The following LRP1B variants were observed in gnomAD, a reference collection of about 807,000 sequenced individuals.
LRP1B encodes the protein LDL receptor related protein 1B.
A neutral mutation model predicts 556.6 loss-of-function variants in LRP1B; 217 were observed. That is an observed-to-expected ratio of 0.39 (90% CI 0.35 to 0.44). LRP1B has a LOEUF of 0.44. LRP1B is among the 20% of genes least tolerant of loss of function. LRP1B has a pLI of 1.00. For synonymous variants in LRP1B, 2,047 were observed against 1,865.8 expected (o/e 1.10, Z -2.50); for missense variants, 5,053 against 5,620.8 (o/e 0.90, Z 3.23).
At chr2:140,690,893 C>A (rs1432717026) in intron 41 of LRP1B, among the ~76,000 whole-genome samples, 1 of 152,112 alleles carries the variant, frequency 6.6e-6, no homozygotes, top group Non-Finnish European at 1.5e-5. Context: ...AATAGGTAAT[C>A]TTAAAATTGA....
chr2:140,433,200 C>T (rs948929937), intron 66 of LRP1B, among the ~76,000 whole-genome samples: 1 of 152,092 alleles, frequency 6.6e-6, no homozygotes, highest in Non-Finnish European at 1.5e-5. Context: ...CTGGGTGCAA[C>T]AATTCTTCTG....
intron 18 of LRP1B, among the ~76,000 whole-genome samples, chr2:140,973,655 C>T (rs1486374622): frequency 2.0e-5 from 3 of 151,986 alleles, no homozygotes; most frequent in Admixed American, 6.6e-5. Context: ...TTAAGAGAAA[C>T]CTAGAAGCTA....
intron 6 of LRP1B, among the ~76,000 whole-genome samples, chr2:141,222,989 C>T (rs1047575459): frequency 2.6e-5 from 4 of 152,088 alleles, no homozygotes; most frequent in African/African-American, 4.8e-5. Context: ...GACAAGGATG[C>T]CCCCTCTCAC....
At chr2:140,901,887 A>G (rs1354339922) in intron 23 of LRP1B, among the ~76,000 whole-genome samples, 3 of 151,876 alleles carry the variant, frequency 2.0e-5, no homozygotes, top group Admixed American at 6.6e-5. Context: ...CCCCACAGAG[A>G]GGATTTTATT....
chr2:140,626,873 C>T (rs1012660344), intron 41 of LRP1B, among the ~76,000 whole-genome samples: 2 of 152,066 alleles, frequency 1.3e-5, no homozygotes, highest in African/African-American at 4.8e-5. Context: ...GAATATCAGT[C>T]TTGACATGGA....
At chr2:141,220,064 C>A (rs1682971435) in intron 6 of LRP1B, among the ~76,000 whole-genome samples, 1 of 152,182 alleles carries the variant, frequency 6.6e-6, no homozygotes, top group African/African-American at 2.4e-5. Flanking sequence ...GGACACTGAA[C>A]TAGGCTTGGG....
intron 11 of LRP1B, among the ~76,000 whole-genome samples, chr2:141,023,312 C>A (rs1383063625): frequency 2.0e-5 from 3 of 151,736 alleles, no homozygotes; most frequent in African/African-American, 7.3e-5. Context: ...TAATGAAGTG[C>A]GTGGTTTACT....
intron 2 of LRP1B, among the ~76,000 whole-genome samples, chr2:141,633,846 AAGATTAACC>A (rs1359959383): frequency 2.6e-5 from 4 of 152,078 alleles, no homozygotes; most frequent in African/African-American, 4.8e-5. Flanking sequence ...AATCCAAAGT[AAGATTAACC>A]ACATGTGCTA....
At chr2:140,272,258 A>AACACACACACACACACACACAC (rs10654741) in intron 85 of LRP1B, among the ~76,000 whole-genome samples, 2 of 149,320 alleles carry the variant, frequency 1.3e-5, no homozygotes, top group African/African-American at 4.9e-5. Context: ...TGCACACACA[A>AACACACACACACACACACACAC]ACACACACAC....
intron 66 of LRP1B, among the ~76,000 whole-genome samples, chr2:140,424,686 T>C (rs563063127): frequency 2.2e-4 from 33 of 152,308 alleles, no homozygotes; most frequent in African/African-American, 7.5e-4. Flanking sequence ...CAAAAGTGTA[T>C]CATGCATGAC....
chr2:141,067,028 G>A (rs1249160595), intron 7 of LRP1B, among the ~76,000 whole-genome samples: 2 of 151,830 alleles, frequency 1.3e-5, no homozygotes, highest in Non-Finnish European at 2.9e-5. Context: ...CCTCAGAAAG[G>A]TTTGCATTAG....
chr2:140,440,413 A>T (rs977147562), intron 66 of LRP1B, among the ~76,000 whole-genome samples: 6 of 152,172 alleles, frequency 3.9e-5, no homozygotes, highest in African/African-American at 1.4e-4. Flanking sequence ...CCATAAAGAC[A>T]TATAACTGAG....
chr2:140,963,489 T>C (rs1040381351), intron 18 of LRP1B, among the ~76,000 whole-genome samples: 17 of 152,096 alleles, frequency 1.1e-4, no homozygotes, highest in Non-Finnish European at 2.4e-4. Context: ...TTAATGCTGC[T>C]GAAGTCTCTA....
chr2:140,683,107 T>G (rs927391956), intron 41 of LRP1B, among the ~76,000 whole-genome samples: 2 of 152,208 alleles, frequency 1.3e-5, no homozygotes, highest in Non-Finnish European at 2.9e-5. Flanking sequence ...AATTGCGGGC[T>G]TTGACATTAC....
chr2:140,337,634 T>C (rs1047093939), intron 77 of LRP1B, among the ~76,000 whole-genome samples: 8 of 151,902 alleles, frequency 5.3e-5, no homozygotes, highest in Non-Finnish European at 1.2e-4. Context: ...CTGAAGCATA[T>C]GTGTAATTTT....
At chr2:141,076,239 C>A (rs1699782525) in intron 7 of LRP1B, among the ~76,000 whole-genome samples, 1 of 152,134 alleles carries the variant, frequency 6.6e-6, no homozygotes, top group African/African-American at 2.4e-5. Context: ...ACTCCACTGG[C>A]AAAACATGCA....
intron 7 of LRP1B, among the ~76,000 whole-genome samples, chr2:141,072,944 C>A (rs1699686392): frequency 6.6e-6 from 1 of 152,042 alleles, no homozygotes; most frequent in Non-Finnish European, 1.5e-5. Flanking sequence ...TACACTCAGT[C>A]CGTCTTTTTC....
intron 43 of LRP1B, among the ~76,000 whole-genome samples, chr2:140,560,898 A>G (rs1680905116): frequency 1.3e-5 from 2 of 152,210 alleles, no homozygotes; most frequent in African/African-American, 4.8e-5. Context: ...AGTTGGAACA[A>G]CTATATATAT....
intron 83 of LRP1B, among the ~76,000 whole-genome samples, chr2:140,305,514 C>G (rs1014678924): frequency 2.6e-5 from 4 of 152,190 alleles, no homozygotes; most frequent in African/African-American, 9.6e-5. Flanking sequence ...TATCCTGAGA[C>G]TTTGCTGAAG....
Sources: gnomAD v4.1 joint callset for allele counts (sites outside exome capture counted in the v4.1 genomes callset) on GRCh38, gnomAD v4.1.1 for gene constraint, MANE v1.5 for transcripts, NCBI Gene and HGNC (gene_info 2026-07-23, HGNC 2026-07-21) for gene names.